Variants in SRGAP1 observed in about 807,000 individuals in gnomAD.
SRGAP1 encodes the protein SLIT-ROBO Rho GTPase activating protein 1, also known as SLIT-ROBO Rho GTPase-activating protein 1.
Under a neutral mutation model 121.9 loss-of-function variants are expected in SRGAP1, and 43 were observed. The ratio of observed to expected loss-of-function variants is 0.35; its 90% CI spans 0.28 to 0.46. The LOEUF (loss-of-function observed/expected upper bound fraction) is 0.46, where lower values mean the gene tolerates loss of function less well. SRGAP1 is among the 20% of genes least tolerant of loss of function. SRGAP1 has a pLI of 1.00. For synonymous variants in SRGAP1, 447 were observed against 485.4 expected (o/e 0.92, Z 1.04); for missense variants, 1,102 against 1,350.9 (o/e 0.82, Z 2.89).
intron 1 of SRGAP1, among the ~76,000 whole-genome samples, chr12:63,949,407 T>C (rs1342106498): frequency 9.1e-6 from 1 of 109,524 alleles, no homozygotes; most frequent in African/African-American, 3.3e-5. Context: ...TTATTATTAT[T>C]ATTATTATTA....
intron 17 of SRGAP1, among the ~76,000 whole-genome samples, chr12:64,112,733 C>T (rs1001011314): frequency 6.6e-6 from 1 of 152,056 alleles, no homozygotes; most frequent in African/African-American, 2.4e-5. Context: ...GATTTCCTTT[C>T]TTTTGGATGT....
rs141209538 is a variant in SRGAP1 at position 64,019,963 on chromosome 12, C to T, written c.489+2951C>T. Among the ~76,000 whole-genome samples the T allele has an allele frequency of 3.9e-4, 60 of 152,280 alleles. 1 individual carries two copies. The East Asian group carries it at 5.6e-3, about 14-fold the overall frequency. ...TATTCACTCCTCACTTGCTCTCAAACCTTGACACTCCTTGGGAGTTGAAAG... is the reference window on the plus strand; with the variant it reads ...TATTCACTCCTCACTTGCTCTCAAATCTTGACACTCCTTGGGAGTTGAAAG... On this transcript the variant is annotated intron_variant, in intron 4 of 21. Transcript: ENST00000355086.
At chr12:63,922,918 C>T (rs2031122069) in intron 1 of SRGAP1, among the ~76,000 whole-genome samples, 1 of 152,192 alleles carries the variant, frequency 6.6e-6, no homozygotes, top group African/African-American at 2.4e-5. Context: ...AAATCCACCC[C>T]AAGACTTGCT....
chr12:63,966,382 A>C (rs1282398678), intron 1 of SRGAP1, among the ~76,000 whole-genome samples: 1 of 152,174 alleles, frequency 6.6e-6, no homozygotes, highest in Non-Finnish European at 1.5e-5. Flanking sequence ...TGATGATGTA[A>C]ATTACCCAAG....
rs1421873229 is a variant in SRGAP1, at chr12:64,146,395, T to G, written c.*3723T>G. 7 of 150,994 alleles carry G rather than the reference T, an allele frequency of 4.6e-5. No individual in the cohort carries two copies. The highest frequency in any genetic ancestry group is 2.0e-4 in the East Asian group (1 of 5,128). 9.4% of individuals were successfully genotyped at this position (150,994 alleles called of 1,614,324 possible). On this transcript the variant is annotated 3_prime_UTR_variant, in exon 22 of 22. Coordinates refer to ENST00000355086, the MANE Select transcript of SRGAP1 (RefSeq NM_020762.4). ...CCCCCGCGACCAAAAAAAGGGGGGG[T>G]TTATAATTTAAAGAAAAGGAAAAGA... is the stretch of plus-strand genomic sequence containing the variant.
At chr12:64,003,007 G>T (rs1443562911) in intron 3 of SRGAP1, among the ~76,000 whole-genome samples, 1 of 147,764 alleles carries the variant, frequency 6.8e-6, no homozygotes, top group Non-Finnish European at 1.5e-5. Flanking sequence ...GATCTTGGGG[G>T]GGGTGTGTAT....
At chr12:64,036,197 G>A (rs2136495135) in intron 4 of SRGAP1, among the ~76,000 whole-genome samples, 1 of 152,278 alleles carries the variant, frequency 6.6e-6, no homozygotes, top group Admixed American at 6.5e-5. Flanking sequence ...ACTGTCTCAA[G>A]CCGCCAGAGA....
chr12:64,079,189 C>T, intron 9 of SRGAP1, 73 bp downstream of exon 9: 14 of 1,506,540 alleles, frequency 9.3e-6, no homozygotes, highest in Non-Finnish European at 1.3e-5. Context: ...TCTATAGTCA[C>T]ATCAGAACCA....
At chr12:64,080,134 T>C (rs936546872) in intron 9 of SRGAP1, 152 bp from the exon 10 acceptor site, 1 of 574,224 alleles carries the variant, frequency 1.7e-6, no homozygotes, top group African/African-American at 1.9e-5. Context: ...TCCCAGCTAC[T>C]CAGGAGGCTG....
At chr12:63,860,174 T>C (rs1342186876) in intron 1 of SRGAP1, among the ~76,000 whole-genome samples, 1 of 152,110 alleles carries the variant, frequency 6.6e-6, no homozygotes, top group Non-Finnish European at 1.5e-5. Flanking sequence ...CACACCTGGC[T>C]AATTTTTTGT....
At chr12:63,944,912 C>T (rs1213950238) in intron 1 of SRGAP1, among the ~76,000 whole-genome samples, 1 of 152,188 alleles carries the variant, frequency 6.6e-6, no homozygotes, top group Non-Finnish European at 1.5e-5. Flanking sequence ...ACCCGGGCAG[C>T]AAGCACCGCT....
At chr12:64,007,115 G>C (rs1232822516) in intron 3 of SRGAP1, among the ~76,000 whole-genome samples, 1 of 152,084 alleles carries the variant, frequency 6.6e-6, no homozygotes, top group Non-Finnish European at 1.5e-5. Context: ...TCAACCCCTT[G>C]AAATATAAAA....
chr12:63,903,540 C>T (rs2030042061), intron 1 of SRGAP1, among the ~76,000 whole-genome samples: 1 of 151,756 alleles, frequency 6.6e-6, no homozygotes, highest in Non-Finnish European at 1.5e-5. Context: ...GCCACCGCGC[C>T]CAGCCTGTTT....
At chr12:64,115,938 C>A in intron 18 of SRGAP1, 45 bp downstream of exon 18, 1 of 1,495,312 alleles carries the variant, frequency 6.7e-7, no homozygotes, top group Non-Finnish European at 9.2e-7. Context: ...CTTTATATCC[C>A]TATTGTAAAC....
intron 15 of SRGAP1, among the ~76,000 whole-genome samples, chr12:64,104,162 T>G (rs1282452838): frequency 1.3e-5 from 2 of 152,234 alleles, no homozygotes; most frequent in Non-Finnish European, 2.9e-5. Context: ...TTGAACTTTT[T>G]GCCATTTGCT....
At chr12:63,905,413 A>C (rs763998430) in intron 1 of SRGAP1, among the ~76,000 whole-genome samples, 2 of 152,194 alleles carry the variant, frequency 1.3e-5, no homozygotes, top group Non-Finnish European at 2.9e-5. Flanking sequence ...GCACAGTAAT[A>C]TCGGATGGTC....
At chr12:64,141,143 G>A (rs1385843353) in intron 21 of SRGAP1, among the ~76,000 whole-genome samples, 6 of 146,780 alleles carry the variant, frequency 4.1e-5, no homozygotes, top group African/African-American at 7.8e-5. Context: ...GAGAGGGGAG[G>A]GATAGCATCG....
chr12:63,925,191 G>A (rs1321326928), intron 1 of SRGAP1, among the ~76,000 whole-genome samples: 2 of 152,174 alleles, frequency 1.3e-5, no homozygotes, highest in African/African-American at 4.8e-5. Flanking sequence ...ATTTAAAGTA[G>A]TACTGCTTCA....
At chr12:64,043,414 T>G (rs746811374) in intron 5 of SRGAP1, 33 bp from the exon 6 acceptor site, 1 of 1,592,590 alleles carries the variant, frequency 6.3e-7, no homozygotes, top group Admixed American at 1.8e-5. Flanking sequence ...GACTTTGCAT[T>G]CTTTCCCAAT....
Sources: gnomAD v4.1 joint callset for allele counts (sites outside exome capture counted in the v4.1 genomes callset) on GRCh38, gnomAD v4.1.1 for gene constraint, MANE v1.5 for transcripts, NCBI Gene and HGNC (gene_info 2026-07-23, HGNC 2026-07-21) for gene names.